MGAT4C: variants seen among roughly 807,000 people sequenced by gnomAD.
MGAT4C encodes the protein MGAT4 family member C.
MGAT4C carries 19 observed loss-of-function variants against 40.1 expected under a neutral mutation model. The ratio of observed to expected loss-of-function variants is 0.47; its 90% CI spans 0.33 to 0.70. MGAT4C has a LOEUF of 0.70. Among genes scored for constraint, MGAT4C ranks in the 30% least tolerant of loss-of-function variants. MGAT4C has a pLI of 0.02. For synonymous variants in MGAT4C, 181 were observed against 187.1 expected (o/e 0.97, Z 0.27); for missense variants, 491 against 563.2 (o/e 0.87, Z 1.30).
intron 1 of MGAT4C, among the ~76,000 whole-genome samples, chr12:86,781,966 T>C (rs1289711202): frequency 6.6e-6 from 1 of 152,006 alleles, no homozygotes; most frequent in East Asian, 1.9e-4. Context: ...TCCACACTTT[T>C]ATTAAAGTTT....
At chr12:86,299,184 C>T (rs942283031) in intron 4 of MGAT4C, among the ~76,000 whole-genome samples, 3 of 152,138 alleles carry the variant, frequency 2.0e-5, no homozygotes, top group African/African-American at 4.8e-5. Flanking sequence ...GGCGCGATCT[C>T]GGCTCACTGC....
rs1390657673 is a variant in MGAT4C, at chr12:86,539,656, T to C, written c.-228-104391A>G. 5.3e-5 allele frequency among the ~76,000 whole-genome samples: 8 copies of C among 152,276 alleles called. No homozygotes were observed. The East Asian group carries it at 5.8e-4, about 11-fold the overall frequency. ...CTCCCACCAACAGTGTAAAAGTGTT[T>C]CTATTTCTCCACATCCTCTCCAGCA... is the stretch of plus-strand genomic sequence containing the variant. On this transcript the variant is annotated intron_variant, in intron 2 of 7. Coordinates refer to the MGAT4C transcript ENST00000548651.
chr12:86,254,020 A>AT (rs1223975383), intron 1 of MGAT4C, among the ~76,000 whole-genome samples: 1 of 151,876 alleles, frequency 6.6e-6, no homozygotes, highest in East Asian at 1.9e-4. Flanking sequence ...TTTCATGGCT[A>AT]TTTTTTTCCA....
intron 2 of MGAT4C, among the ~76,000 whole-genome samples, chr12:86,444,400 A>T (rs1012478149): frequency 6.6e-6 from 1 of 152,142 alleles, no homozygotes; most frequent in Non-Finnish European, 1.5e-5. Flanking sequence ...CCTGCAGATA[A>T]TCTTCTCCGG....
intron 1 of MGAT4C, among the ~76,000 whole-genome samples, chr12:86,734,382 G>A (rs1030978461): frequency 2.0e-5 from 3 of 151,978 alleles, no homozygotes; most frequent in African/African-American, 7.2e-5. Context: ...AGAGGGGAAT[G>A]CATGTGCAGG....
intron 1 of MGAT4C, among the ~76,000 whole-genome samples, chr12:86,821,736 G>T (rs923446770): frequency 6.6e-6 from 1 of 150,828 alleles, no homozygotes; most frequent in Non-Finnish European, 1.5e-5. Flanking sequence ...TATCAGCCAC[G>T]GTTTGGATAC....
chr12:86,814,933 A>G (rs181784445), intron 1 of MGAT4C, among the ~76,000 whole-genome samples: 100 of 152,208 alleles, frequency 6.6e-4, no homozygotes, highest in African/African-American at 2.2e-3. Flanking sequence ...TTGTTTATAA[A>G]GTATGTAGTC....
rs536520166 is a variant in MGAT4C, at chr12:86,759,727, G to GT, written c.-261-32487dup. Among the ~76,000 whole-genome samples, 37 of 152,060 alleles carry GT rather than the reference G, an allele frequency of 2.4e-4. No homozygotes were observed. In the South Asian group the frequency reaches 7.5e-3, roughly 31 times the overall value. ...AGGTATTTTGCTCATTAAGAAACAG[G>GT]TTTTTTTGTATGTGTGTTGCTGTTG... is the stretch of plus-strand genomic sequence containing the variant. On this transcript the variant is annotated intron_variant, in intron 1 of 7. Transcript: ENST00000548651.
chr12:86,457,251 C>T lies in MGAT4C; in HGVS notation c.-228-21986G>A, dbSNP rs150134090. Among the ~76,000 whole-genome samples, 1,207 of 152,182 alleles carry T rather than the reference C, an allele frequency of 7.9e-3. 7 individuals carry two copies. The highest frequency in any genetic ancestry group is 0.025 in the South Asian group (120 of 4,826). ...CTTAACCTGCTATAGTGCTTTCTTA[C>T]TCCATTCAGGCATATTATTTTTCAT... is the stretch of plus-strand genomic sequence containing the variant. On this transcript the variant is annotated intron_variant, in intron 2 of 7. Transcript: ENST00000548651.
In MGAT4C at chr12:86,626,727, C is replaced by G. The variant is rs10444512; in HGVS notation, c.-229+100482G>C. On this transcript the variant is annotated intron_variant, in intron 2 of 7. Transcript: ENST00000548651. ...AAATAAATGGTAATAGAATTATTCC[C>G]TAAAACATTGGAAATTGTTCTGTTC... is the stretch of plus-strand genomic sequence containing the variant. Among the ~76,000 whole-genome samples the G allele has an allele frequency of 5.2e-3, 788 of 152,290 alleles. 3 individuals carry two copies. The highest frequency in any genetic ancestry group is 8.4e-3 in the Non-Finnish European group (574 of 68,012).
At chr12:86,836,735 C>G (rs948286529) in intron 1 of MGAT4C, among the ~76,000 whole-genome samples, 3 of 151,978 alleles carry the variant, frequency 2.0e-5, no homozygotes, top group Non-Finnish European at 4.4e-5. Context: ...TTATATTCAT[C>G]TAACATTCAA....
intron 1 of MGAT4C, among the ~76,000 whole-genome samples, chr12:86,076,184 CT>C (rs1376338868): frequency 2.6e-5 from 4 of 152,254 alleles, no homozygotes; most frequent in African/African-American, 9.6e-5. Context: ...CCACAAGTCT[CT>C]AGGATGGGGC....
intron 1 of MGAT4C, among the ~76,000 whole-genome samples, chr12:86,750,929 C>G (rs1439402238): frequency 6.6e-6 from 1 of 151,872 alleles, no homozygotes; most frequent in Non-Finnish European, 1.5e-5. Context: ...AGGAGTATGG[C>G]CTGGTCAGCC....
intron 3 of MGAT4C, among the ~76,000 whole-genome samples, chr12:86,414,368 C>T (rs993995296): frequency 1.3e-5 from 2 of 152,056 alleles, no homozygotes; most frequent in African/African-American, 2.4e-5. Context: ...AATTATTCTC[C>T]TCACGGAAAT....
chr12:86,192,101 G>C (rs1348664975), intron 1 of MGAT4C, among the ~76,000 whole-genome samples: 3 of 100,350 alleles, frequency 3.0e-5, no homozygotes, highest in Non-Finnish European at 5.5e-5. Context: ...TGTGGGGTGG[G>C]GGGAGGGGGG....
rs141366435 is a variant in MGAT4C, at chr12:86,729,318, C to T, written c.-261-2077G>A. On this transcript the variant is annotated intron_variant, in intron 1 of 7. Transcript: ENST00000548651. ...TGCCTGCCTGTATCAAAATATCTCACGTAACCCACAAATATATACACCTAC... is the reference window on the plus strand; with the variant it reads ...TGCCTGCCTGTATCAAAATATCTCATGTAACCCACAAATATATACACCTAC... 2.6e-4 allele frequency among the ~76,000 whole-genome samples: 40 copies of T among 151,974 alleles called. No individual in the cohort carries two copies. In the East Asian group the frequency reaches 7.3e-3, roughly 28 times the overall value.
At chr12:86,420,859 AT>A (rs1956810806) in intron 3 of MGAT4C, among the ~76,000 whole-genome samples, 2 of 146,040 alleles carry the variant, frequency 1.4e-5, no homozygotes, top group Non-Finnish European at 3.1e-5. Flanking sequence ...ATACATATAT[AT>A]GTGTATATAT....
At chr12:86,062,880 G>C (rs1894135970) in intron 1 of MGAT4C, among the ~76,000 whole-genome samples, 1 of 152,054 alleles carries the variant, frequency 6.6e-6, no homozygotes, top group Non-Finnish European at 1.5e-5. Context: ...TAGGTGAAAA[G>C]ACCAAATCTA....
chr12:85,982,144 C>T lies in MGAT4C; in HGVS notation c.295+1379G>A, dbSNP rs143402264. The stretch of plus-strand genomic sequence containing the variant: ...ACATAATTTATTAAGATCATGATAG[C>T]ACTGTATTTTATTCTAAGATTCATG... On this transcript the variant is annotated intron_variant, in intron 4 of 4. Transcript: ENST00000611864. Among the ~76,000 whole-genome samples the T allele has an allele frequency of 3.9e-5, 6 of 152,146 alleles. No homozygotes were observed. In the East Asian group the frequency reaches 1.2e-3, roughly 29 times the overall value.
Sources: allele counts gnomAD v4.1 joint callset (sites outside exome capture counted in the v4.1 genomes callset), GRCh38; gene constraint gnomAD v4.1.1; transcripts MANE v1.5; gene names NCBI Gene and HGNC (gene_info 2026-07-23, HGNC 2026-07-21).